PRKCA: variants seen among roughly 807,000 people sequenced by gnomAD.
PRKCA encodes the protein protein kinase C alpha type.
PRKCA carries 27 observed loss-of-function variants against 87.0 expected under a neutral mutation model. The observed-to-expected ratio is 0.31, with a 90% CI of 0.23 to 0.43. PRKCA has a LOEUF of 0.43. Ranked by LOEUF, PRKCA falls within the 20% of genes least tolerant of loss-of-function variation. The pLI, the probability that PRKCA is intolerant of heterozygous loss-of-function variation, is 1.00. For synonymous variants in PRKCA, 329 were observed against 311.1 expected (o/e 1.06, Z -0.61); for missense variants, 518 against 852.3 (o/e 0.61, Z 4.88).
intron 8 of PRKCA, among the ~76,000 whole-genome samples, chr17:66,711,060 A>T (rs541755240): frequency 3.3e-5 from 5 of 151,536 alleles, no homozygotes; most frequent in South Asian, 2.1e-4. Context: ...AATAAATAAA[A>T]TAAATAAATA....
intron 5 of PRKCA, among the ~76,000 whole-genome samples, chr17:66,661,476 A>G (rs1270994988): frequency 6.6e-6 from 1 of 152,172 alleles, no homozygotes; most frequent in East Asian, 1.9e-4. Flanking sequence ...TCCTTCAACC[A>G]CCTTGCACAT....
At chr17:66,769,354 T>C (rs1598930380) in intron 13 of PRKCA, among the ~76,000 whole-genome samples, 1 of 131,632 alleles carries the variant, frequency 7.6e-6, no homozygotes, top group South Asian at 2.4e-4. Flanking sequence ...AGACACTGTC[T>C]CAAAAAAAAA....
intron 13 of PRKCA, among the ~76,000 whole-genome samples, chr17:66,765,453 T>TATATATCC (rs1974789146): frequency 7.3e-6 from 1 of 137,178 alleles, no homozygotes; most frequent in African/African-American, 2.7e-5. Flanking sequence ...TATATATATA[T>TATATATCC]ATCCATATAT....
intron 2 of PRKCA, among the ~76,000 whole-genome samples, chr17:66,358,520 T>G (rs1908200363): frequency 6.6e-6 from 1 of 150,516 alleles, no homozygotes; most frequent in Admixed American, 6.6e-5. Context: ...ATTTCCTTTC[T>G]CAAAGATTCA....
intron 3 of PRKCA, among the ~76,000 whole-genome samples, chr17:66,614,176 A>C (rs1462925586): frequency 6.6e-6 from 1 of 152,122 alleles, no homozygotes; most frequent in African/African-American, 2.4e-5. Context: ...CTGGACGTGA[A>C]GTGGAGGGGC....
intron 3 of PRKCA, chr17:66,640,848 A>G (rs950628743): frequency 2.2e-5 from 9 of 414,478 alleles, no homozygotes; most frequent in Non-Finnish European, 2.9e-5. Flanking sequence ...TAGAGGAAAC[A>G]TAGGTATTCA....
intron 2 of PRKCA, among the ~76,000 whole-genome samples, chr17:66,448,446 G>T (rs968296761): frequency 6.6e-6 from 1 of 152,136 alleles, no homozygotes; most frequent in Non-Finnish European, 1.5e-5. Context: ...TATTAGGCTC[G>T]ATGCCATTAA....
chr17:66,420,813 C>T (rs1912446980), intron 2 of PRKCA, among the ~76,000 whole-genome samples: 1 of 152,176 alleles, frequency 6.6e-6, no homozygotes, highest in Non-Finnish European at 1.5e-5. Flanking sequence ...ACTAAGAAGA[C>T]AGTCAAATCA....
At chr17:66,550,890 T>C (rs1192991781) in intron 3 of PRKCA, among the ~76,000 whole-genome samples, 1 of 152,224 alleles carries the variant, frequency 6.6e-6, no homozygotes, top group East Asian at 1.9e-4. Context: ...GTGTGTTTTA[T>C]GAAAATGTCT....
intron 3 of PRKCA, among the ~76,000 whole-genome samples, chr17:66,630,494 G>A (rs1329225315): frequency 6.6e-6 from 1 of 152,208 alleles, no homozygotes; most frequent in Non-Finnish European, 1.5e-5. Flanking sequence ...AAGTTTAGCT[G>A]CTTCAAGAAG....
chr17:66,777,287 A>G, intron 14 of PRKCA: 4 of 985,358 alleles, frequency 4.1e-6, no homozygotes, highest in South Asian at 4.7e-5. Flanking sequence ...TGTGTCTTTC[A>G]TTATATTTCC....
At chr17:66,579,095 A>G (rs1219820789) in intron 3 of PRKCA, among the ~76,000 whole-genome samples, 1 of 152,196 alleles carries the variant, frequency 6.6e-6, no homozygotes, top group Admixed American at 6.5e-5. Flanking sequence ...TTCCCTAGTC[A>G]GTACACAGTC....
intron 3 of PRKCA, among the ~76,000 whole-genome samples, chr17:66,637,655 G>C (rs1481552194): frequency 6.6e-6 from 1 of 152,152 alleles, no homozygotes; most frequent in Admixed American, 6.5e-5. Flanking sequence ...TCTACACATA[G>C]AGGTGCTAGG....
intron 3 of PRKCA, among the ~76,000 whole-genome samples, chr17:66,562,138 T>TAA (rs1968719528): frequency 1.1e-4 from 2 of 17,450 alleles, no homozygotes; most frequent in African/African-American, 8.6e-4. Context: ...ATAATTAAAT[T>TAA]ATATATATAA....
chr17:66,686,468 G>A (rs1443869968), intron 5 of PRKCA, among the ~76,000 whole-genome samples: 2 of 152,206 alleles, frequency 1.3e-5, no homozygotes, highest in South Asian at 2.1e-4. Flanking sequence ...TACAGCAGTG[G>A]TGCTTGCCCC....
At chr17:66,635,970 G>T (rs1971141945) in intron 3 of PRKCA, among the ~76,000 whole-genome samples, 1 of 151,760 alleles carries the variant, frequency 6.6e-6, no homozygotes, top group Non-Finnish European at 1.5e-5. Context: ...AAAAAAAAAA[G>T]AATTAAAGAG....
At chr17:66,789,207 C>T (rs1289121628) in intron 16 of PRKCA, among the ~76,000 whole-genome samples, 3 of 152,230 alleles carry the variant, frequency 2.0e-5, no homozygotes, top group African/African-American at 7.2e-5. Context: ...ACCCTGTGCA[C>T]ACTTCATCCT....
At chr17:66,306,167 G>T in intron 2 of PRKCA, 40 bp downstream of exon 2, 1 of 1,562,932 alleles carries the variant, frequency 6.4e-7, no homozygotes, top group Non-Finnish European at 8.8e-7. Flanking sequence ...AGCACAACAT[G>T]AAATAAGCAT....
chr17:66,788,457 A>G (rs1394013897), intron 15 of PRKCA, among the ~76,000 whole-genome samples: 2 of 152,102 alleles, frequency 1.3e-5, no homozygotes, highest in African/African-American at 4.8e-5. Flanking sequence ...GTGATGCTAG[A>G]CTGTGATGCT....
Sources: allele counts gnomAD v4.1 joint callset (sites outside exome capture counted in the v4.1 genomes callset), GRCh38; gene constraint gnomAD v4.1.1; transcripts MANE v1.5; gene names NCBI Gene and HGNC (gene_info 2026-07-23, HGNC 2026-07-21).